TPST2: variants seen among roughly 807,000 people sequenced by gnomAD.
The protein encoded by TPST2 is tyrosylprotein sulfotransferase 2.
TPST2 carries 16 observed loss-of-function variants against 27.8 expected under a neutral mutation model. The observed-to-expected ratio is 0.58, with a 90% CI of 0.39 to 0.88. The LOEUF is 0.88. Among genes scored for constraint, TPST2 ranks in the 40% least tolerant of loss-of-function variants. TPST2 has a pLI of 0.00. For synonymous variants in TPST2, 229 were observed against 231.7 expected (o/e 0.99, Z 0.10); for missense variants, 464 against 543.1 (o/e 0.85, Z 1.45).
At position 26,541,461 on chromosome 22, in the gene TPST2, G is replaced by C. The variant is rs1925822333; in HGVS notation, c.170C>G (p.Thr57Ser). ...GCCATAGCGGTATTCCACGTGGTTG[G>C]TGCCCACCATCACCAGCTCCTCCTG... ...PEQEELVMVG[T>S]NHVEYRYGKA... is the part of the protein sequence containing the mutation. Residue 57 changes from threonine (T) to serine (S), a missense_variant, in exon 3 of 7, where the codon ACC becomes AGC. By Grantham distance (58) the Thr-to-Ser change is moderately conservative. Coordinates refer to ENST00000338754, the MANE Select transcript of TPST2 (RefSeq NM_003595.5). This position sits in a 1 kb window ranked among gnomAD's most constrained non-coding sequence, Gnocchi z 5.9. The C allele has an allele frequency of 6.2e-7, 1 of 1,609,040 alleles. No homozygotes were observed. Among genetic ancestry groups the C allele is most frequent in the Admixed American group, 1.7e-5 (1 of 59,214 alleles).
intron 1 of TPST2, among the ~76,000 whole-genome samples, chr22:26,569,741 G>C (rs923994982): frequency 2.0e-5 from 3 of 151,980 alleles, no homozygotes; most frequent in Non-Finnish European, 4.4e-5. Flanking sequence ...CCTGAGGTCA[G>C]GAGTTCAAGA....
At chr22:26,578,850 TTTC>T (rs1927970722) in intron 1 of TPST2, among the ~76,000 whole-genome samples, 1 of 151,558 alleles carries the variant, frequency 6.6e-6, no homozygotes, top group African/African-American at 2.4e-5. Flanking sequence ...TATTTCTTTC[TTTC>T]TTTTTTTTTT....
chr22:26,570,655 A>G (rs542287655), intron 1 of TPST2, among the ~76,000 whole-genome samples: 2 of 151,772 alleles, frequency 1.3e-5, no homozygotes, highest in East Asian at 3.9e-4. Context: ...CTCTCTCCTC[A>G]CTTGGACACA....
intron 1 of TPST2, among the ~76,000 whole-genome samples, chr22:26,574,135 G>T (rs1927738760): frequency 6.6e-6 from 1 of 152,116 alleles, no homozygotes; most frequent in Non-Finnish European, 1.5e-5. Context: ...CTGCAAACTT[G>T]CCTGGCCATT....
At chr22:26,533,113 T>C (rs1017829761) in intron 4 of TPST2, among the ~76,000 whole-genome samples, 4 of 152,054 alleles carry the variant, frequency 2.6e-5, no homozygotes, top group Non-Finnish European at 2.9e-5. Flanking sequence ...TTTGAGTGGG[T>C]GGTCAAGAGG....
rs1925760526 is a variant in TPST2 at position 26,540,891 on chromosome 22, C to T, written c.740G>A (p.Arg247His). 3.1e-6 allele frequency: 5 copies of T among 1,614,166 alleles called. No homozygotes were observed. The highest frequency in any genetic ancestry group is 2.2e-5 in the East Asian group (1 of 44,874). Residue 247 changes from arginine (R) to histidine (H), a missense_variant, in exon 3 of 7, where the codon CGC (arginine) becomes CAC (histidine). Physicochemically the swap from Arg to His is conservative, Grantham distance 29. Transcript: ENST00000338754. ...YYEQLVLHPR[R>H]SLKLILDFLG... is the part of the protein sequence containing the mutation. ...GAAGTCGAGGATGAGCTTGAGTGAGCGCCTGGGGTGCAGCACCAGCTGCTC... is the reference window on the plus strand; with the variant it reads ...GAAGTCGAGGATGAGCTTGAGTGAGTGCCTGGGGTGCAGCACCAGCTGCTC...
chr22:26,533,737 C>A (rs866519226), intron 4 of TPST2, among the ~76,000 whole-genome samples: 1 of 151,694 alleles, frequency 6.6e-6, no homozygotes, highest in Non-Finnish European at 1.5e-5. Flanking sequence ...TGCAGTGGTG[C>A]GATCACGGCT....
At chr22:26,572,549 C>A (rs1043855306) in intron 1 of TPST2, among the ~76,000 whole-genome samples, 14 of 152,190 alleles carry the variant, frequency 9.2e-5, no homozygotes, top group Admixed American at 9.2e-4. Flanking sequence ...TGGGTCCATA[C>A]CCTCTTCCCA....
At chr22:26,544,710 G>A (rs1016718269) in intron 1 of TPST2, 35 bp from the exon 2 acceptor site, 2 of 982,690 alleles carry the variant, frequency 2.0e-6, no homozygotes, top group African/African-American at 3.5e-5. Flanking sequence ...ATCAGGGATG[G>A]GCACTGTGGA....
Position 26,539,307 on chromosome 22 carries a change from G to A in TPST2, c.842+1482C>T, listed in dbSNP as rs190620668. Among the ~76,000 whole-genome samples, 427 of 152,274 alleles carry A rather than the reference G, an allele frequency of 2.8e-3. 3 individuals are homozygous for A. The highest frequency in any genetic ancestry group is 9.9e-3 in the African/African-American group (413 of 41,554). ...CAGAGCCTGATCAGGATGGGAAAGC[G>A]TGGAAACTGCATATTCTGCTCCAGC... On this transcript the variant is annotated intron_variant, in intron 3 of 6. Coordinates refer to ENST00000338754, the MANE Select transcript of TPST2 (RefSeq NM_003595.5).
At chr22:26,543,625 T>A (rs1264500980) in intron 2 of TPST2, among the ~76,000 whole-genome samples, 1 of 152,194 alleles carries the variant, frequency 6.6e-6, no homozygotes, top group African/African-American at 2.4e-5. Context: ...CATTTTATGT[T>A]CAGCAAAGGT....
In TPST2 at chr22:26,528,111, AC is replaced by A. The variant is rs1185374580; in HGVS notation, c.*7+102del. 1.4e-5 allele frequency: 19 copies of A among 1,367,450 alleles called. No individual in the cohort carries two copies. In the Admixed American group the frequency reaches 3.8e-4, roughly 27 times the overall value. 84.7% of individuals were successfully genotyped at this position (1,367,450 alleles called of 1,614,324 possible). On this transcript the variant is annotated intron_variant, in intron 6 of 6. Transcript: ENST00000338754. Reference sequence around the variant, plus strand: ...TCAGCCCACCCTAGTGGACATGTCTACCCCAGGGAGGCTCTGGAAGGACAGA... The same window carrying A: ...TCAGCCCACCCTAGTGGACATGTCTACCCAGGGAGGCTCTGGAAGGACAGA...
chr22:26,580,199 A>T (rs577972100), intron 1 of TPST2, among the ~76,000 whole-genome samples: 1 of 152,290 alleles, frequency 6.6e-6, no homozygotes, highest in East Asian at 1.9e-4. Flanking sequence ...CTGCCCCTGC[A>T]CTCCAGCTTG....
intron 1 of TPST2, among the ~76,000 whole-genome samples, chr22:26,551,914 T>G (rs5761592): frequency 0.97 from 132,379 of 136,158 alleles, 64,365 homozygotes; most frequent in East Asian, 1. Flanking sequence ...TTTGAGACAG[T>G]TTCTTGCTCT....
intron 3 of TPST2, among the ~76,000 whole-genome samples, chr22:26,540,528 G>T (rs1295522143): frequency 6.6e-6 from 1 of 152,146 alleles, no homozygotes; most frequent in Non-Finnish European, 1.5e-5. Flanking sequence ...GAACAGGGAG[G>T]TGGCGGCTGT....
chr22:26,556,793 T>C (rs1160537303), intron 1 of TPST2, among the ~76,000 whole-genome samples: 1 of 152,218 alleles, frequency 6.6e-6, no homozygotes, highest in Admixed American at 6.5e-5. Flanking sequence ...CTCAGGAGTC[T>C]AGATTCACCT....
At chr22:26,582,152 C>T (rs907211879) in intron 1 of TPST2, among the ~76,000 whole-genome samples, 6 of 152,172 alleles carry the variant, frequency 3.9e-5, no homozygotes, top group African/African-American at 1.4e-4. Flanking sequence ...TTTAGCCGGG[C>T]GCTGTGGCTC....
intron 1 of TPST2, among the ~76,000 whole-genome samples, chr22:26,577,946 G>A (rs1927922371): frequency 6.6e-6 from 1 of 152,088 alleles, no homozygotes; most frequent in African/African-American, 2.4e-5. Context: ...TAGCCACCAT[G>A]CCTGGCCGAG....
chr22:26,541,706 G>T lies in TPST2; in HGVS notation c.-76C>A. On this transcript the variant is annotated 5_prime_UTR_variant, in exon 3 of 7. Transcript: ENST00000338754. This position sits in a 1 kb window ranked among gnomAD's most constrained non-coding sequence, Gnocchi z 5.9. Reference sequence around the variant, plus strand: ...TCAGCGACAGGTTAGCGGGCAGCCCGCCAGGCTCACATCTGGGGAGAGAGG... The same window carrying T: ...TCAGCGACAGGTTAGCGGGCAGCCCTCCAGGCTCACATCTGGGGAGAGAGG... The T allele has an allele frequency of 6.8e-7, 1 of 1,472,504 alleles. No individual in the cohort carries two copies. Among genetic ancestry groups the T allele is most frequent in the Non-Finnish European group, 8.9e-7 (1 of 1,118,744 alleles). 91.2% of individuals were successfully genotyped at this position (1,472,504 alleles called of 1,614,324 possible). A position where few individuals can be genotyped will look rare whatever the true frequency, so the allele number is the denominator to read the frequency against.
Sources: gnomAD v4.1 joint callset for allele counts (sites outside exome capture counted in the v4.1 genomes callset) on GRCh38, gnomAD v4.1.1 for gene constraint, Gnocchi (gnomAD v3.1) non-coding constraint, MANE v1.5 for transcripts, NCBI Gene and HGNC (gene_info 2026-07-23, HGNC 2026-07-21) for gene names.